The following DLGAP1 variants were observed in gnomAD, a reference collection of about 807,000 sequenced individuals.
The protein encoded by DLGAP1 is DLG associated protein 1, also known as disks large-associated protein 1.
Under a neutral mutation model 90.8 loss-of-function variants are expected in DLGAP1, and 11 were observed. The ratio of observed to expected loss-of-function variants is 0.12; its 90% CI spans 0.08 to 0.20. DLGAP1 has a LOEUF of 0.20. Ranked by LOEUF, DLGAP1 falls within the 10% of genes least tolerant of loss-of-function variation. The pLI, the probability that DLGAP1 is intolerant of heterozygous loss-of-function variation, is 1.00. For synonymous variants in DLGAP1, 558 were observed against 540.7 expected (o/e 1.03, Z -0.44); for missense variants, 1,050 against 1,333.8 (o/e 0.79, Z 3.31).
At chr18:4,107,134 G>A (rs1274495038) in intron 2 of DLGAP1, among the ~76,000 whole-genome samples, 1 of 152,206 alleles carries the variant, frequency 6.6e-6, no homozygotes, top group African/African-American at 2.4e-5. Context: ...ACACAGCGCC[G>A]CTGGATTACA....
intron 1 of DLGAP1, among the ~76,000 whole-genome samples, chr18:4,404,646 C>T (rs2082625079): frequency 6.6e-6 from 1 of 152,132 alleles, no homozygotes; most frequent in Admixed American, 6.6e-5. Flanking sequence ...TTTTCTTATT[C>T]TACATAATTT....
intron 10 of DLGAP1, among the ~76,000 whole-genome samples, chr18:3,513,878 G>A (rs1468026873): frequency 1.3e-5 from 2 of 152,148 alleles, no homozygotes; most frequent in Non-Finnish European, 2.9e-5. Context: ...TTGAGAAAAG[G>A]AGGTAGTATA....
intron 3 of DLGAP1, among the ~76,000 whole-genome samples, chr18:3,891,605 C>G (rs1599116653): frequency 6.6e-6 from 1 of 152,144 alleles, no homozygotes; most frequent in Admixed American, 6.5e-5. Context: ...ATGGAATGGT[C>G]TCTGCCTCTA....
chr18:4,419,525 A>T (rs190291442), intron 1 of DLGAP1, among the ~76,000 whole-genome samples: 39 of 152,272 alleles, frequency 2.6e-4, no homozygotes, highest in African/African-American at 6.7e-4. Flanking sequence ...TGGAAAATAA[A>T]TTTTTTTCAT....
intron 2 of DLGAP1, among the ~76,000 whole-genome samples, chr18:4,149,022 T>G (rs901313519): frequency 6.6e-6 from 1 of 152,244 alleles, no homozygotes. Flanking sequence ...ATATATAATT[T>G]CAGTCTTGCA....
intron 7 of DLGAP1, among the ~76,000 whole-genome samples, chr18:3,670,545 G>T (rs760532598): frequency 3.0e-4 from 46 of 152,148 alleles, no homozygotes; most frequent in Non-Finnish European, 5.3e-4. Flanking sequence ...CCTGCAGAAA[G>T]AAATTCATCT....
At chr18:3,590,894 T>C (rs930959533) in intron 7 of DLGAP1, among the ~76,000 whole-genome samples, 41 of 151,340 alleles carry the variant, frequency 2.7e-4, no homozygotes, top group African/African-American at 9.0e-4. Flanking sequence ...ACAAAGAAAA[T>C]TGAATGTAAG....
intron 9 of DLGAP1, among the ~76,000 whole-genome samples, chr18:3,554,342 G>C (rs1383126820): frequency 6.6e-6 from 1 of 152,190 alleles, no homozygotes; most frequent in East Asian, 1.9e-4. Flanking sequence ...GTCCTATAGA[G>C]CGGTACCACT....
In DLGAP1 at chr18:4,417,030, T is replaced by C. The variant is rs933621993; in HGVS notation, c.-267+37976A>G. Among the ~76,000 whole-genome samples the C allele has an allele frequency of 7.9e-5, 12 of 152,176 alleles. No individual in the cohort carries two copies. The East Asian group carries it at 1.2e-3, about 15-fold the overall frequency. ...CCTTATTGCAGTCATTCTATACCCATTGAAGGAAGTCAACCCCGGTCTTGT... is the reference window on the plus strand; with the variant it reads ...CCTTATTGCAGTCATTCTATACCCACTGAAGGAAGTCAACCCCGGTCTTGT... On this transcript the variant is annotated intron_variant, in intron 1 of 12. Coordinates refer to ENST00000315677, the MANE Select transcript of DLGAP1 (RefSeq NM_004746.4).
chr18:4,074,054 A>G (rs2075489175), intron 2 of DLGAP1, among the ~76,000 whole-genome samples: 1 of 152,172 alleles, frequency 6.6e-6, no homozygotes, highest in African/African-American at 2.4e-5. Context: ...GAAGAAAATA[A>G]GTGAAATTCA....
intron 1 of DLGAP1, among the ~76,000 whole-genome samples, chr18:4,446,458 AGC>A (rs1335652925): frequency 5.8e-4 from 89 of 152,244 alleles, no homozygotes; most frequent in African/African-American, 2.1e-3. Flanking sequence ...CAGCAGCAGC[AGC>A]AGCAGAACTC....
intron 2 of DLGAP1, among the ~76,000 whole-genome samples, chr18:4,046,098 G>T (rs2075050587): frequency 6.6e-6 from 1 of 152,114 alleles, no homozygotes; most frequent in South Asian, 2.1e-4. Context: ...TCCCCATCTG[G>T]CATTAACCTG....
intron 5 of DLGAP1, among the ~76,000 whole-genome samples, chr18:3,781,188 T>C (rs923457938): frequency 6.6e-6 from 1 of 152,142 alleles, no homozygotes; most frequent in Admixed American, 6.6e-5. Context: ...TATGATATTA[T>C]GTATCTTGTT....
Position 3,775,790 on chromosome 18 carries a change from T to A in DLGAP1, c.1173-33278A>T, listed in dbSNP as rs1164261523. 6.6e-6 allele frequency among the ~76,000 whole-genome samples: 1 copy of A among 152,178 alleles called. No homozygotes were observed. Among genetic ancestry groups the A allele is most frequent in the East Asian group, 1.9e-4 (1 of 5,196 alleles). Reference sequence around the variant, plus strand: ...GTGAACATGCCCATGGAATCAACTTTCAGTCCAGAAAGTGAACATTAGTTA... The same window carrying A: ...GTGAACATGCCCATGGAATCAACTTACAGTCCAGAAAGTGAACATTAGTTA... On this transcript the variant is annotated intron_variant, in intron 5 of 12. Transcript: ENST00000315677. The surrounding 1 kb of genome is among the most constrained non-coding windows in gnomAD (Gnocchi z 4.9).
At chr18:3,926,520 GCACATATATACATACATGCAGACA>G (rs2148920959) in intron 3 of DLGAP1, among the ~76,000 whole-genome samples, 1 of 150,920 alleles carries the variant, frequency 6.6e-6, no homozygotes, top group East Asian at 2.0e-4. Flanking sequence ...TTGACCATAT[GCACATATATACATACATGCAGACA>G]CATCTCTCTC....
intron 1 of DLGAP1, among the ~76,000 whole-genome samples, chr18:4,365,106 G>C (rs116251172): frequency 1.1e-4 from 17 of 152,216 alleles, no homozygotes; most frequent in African/African-American, 4.1e-4. Context: ...TCTTCCTTGT[G>C]AATATTAACA....
intron 1 of DLGAP1, among the ~76,000 whole-genome samples, chr18:4,267,286 G>A (rs2079152588): frequency 6.6e-6 from 1 of 152,106 alleles, no homozygotes; most frequent in African/African-American, 2.4e-5. Context: ...CTGCCCACCT[G>A]TGCACCTAAT....
chr18:4,301,129 T>A (rs2080115852), intron 1 of DLGAP1, among the ~76,000 whole-genome samples: 1 of 152,208 alleles, frequency 6.6e-6, no homozygotes, highest in African/African-American at 2.4e-5. Flanking sequence ...TTTTTCATGG[T>A]AAGAACATTT....
chr18:4,167,519 G>A (rs887324798), intron 1 of DLGAP1, among the ~76,000 whole-genome samples: 1 of 152,162 alleles, frequency 6.6e-6, no homozygotes, highest in Non-Finnish European at 1.5e-5. Context: ...GAGGGTACAT[G>A]CCACTATCCT....
Sources: allele counts gnomAD v4.1 joint callset (sites outside exome capture counted in the v4.1 genomes callset), GRCh38; gene constraint gnomAD v4.1.1; non-coding constraint Gnocchi (gnomAD v3.1); transcripts MANE v1.5; gene names NCBI Gene and HGNC (gene_info 2026-07-23, HGNC 2026-07-21).